The following LRP1B variants were observed in gnomAD, a reference collection of about 807,000 sequenced individuals.
LRP1B encodes LDL receptor related protein 1B.
A neutral mutation model predicts 556.6 loss-of-function variants in LRP1B; 217 were observed. The observed-to-expected ratio is 0.39, with a 90% CI of 0.35 to 0.44. The LOEUF (loss-of-function observed/expected upper bound fraction) is 0.44. Ranked by LOEUF, LRP1B falls within the 20% of genes least tolerant of loss-of-function variation. LRP1B has a pLI of 1.00. For synonymous variants in LRP1B, 2,047 were observed against 1,865.8 expected (o/e 1.10, Z -2.50); for missense variants, 5,053 against 5,620.8 (o/e 0.90, Z 3.23).
intron 2 of LRP1B, among the ~76,000 whole-genome samples, chr2:141,664,854 T>C (rs1690364323): frequency 1.3e-5 from 2 of 152,064 alleles, no homozygotes; most frequent in East Asian, 1.9e-4. Flanking sequence ...ACAAAAAAAG[T>C]ACTTTAAAAT....
At chr2:141,962,708 T>C (rs895056048) in intron 1 of LRP1B, among the ~76,000 whole-genome samples, 1 of 151,830 alleles carries the variant, frequency 6.6e-6, no homozygotes, top group East Asian at 1.9e-4. Flanking sequence ...AGATTAGCTG[T>C]AAAAGTATCT....
chr2:142,009,627 G>T (rs1559019393), intron 1 of LRP1B, among the ~76,000 whole-genome samples: 1 of 152,102 alleles, frequency 6.6e-6, no homozygotes, highest in Admixed American at 6.5e-5. Context: ...ATCTAATGTT[G>T]TCAAGGGCAT....
chr2:140,309,187 T>C (rs958752115), intron 83 of LRP1B, among the ~76,000 whole-genome samples: 1 of 151,832 alleles, frequency 6.6e-6, no homozygotes, highest in Admixed American at 6.6e-5. Context: ...CAGGTTTTCT[T>C]AAGCATAAAA....
At chr2:142,115,658 G>A (rs185892466) in intron 1 of LRP1B, among the ~76,000 whole-genome samples, 1 of 4,948 alleles carries the variant, frequency 2.0e-4, no homozygotes, top group African/African-American at 4.3e-4. Context: ...TATATTATAT[G>A]TAATATATAT....
chr2:141,193,482 A>G (rs1350534882), intron 6 of LRP1B, among the ~76,000 whole-genome samples: 2 of 151,864 alleles, frequency 1.3e-5, no homozygotes, highest in African/African-American at 4.8e-5. Context: ...AAACTAAGAC[A>G]GAAACAGAAA....
At chr2:141,389,202 C>T (rs1689956436) in intron 3 of LRP1B, among the ~76,000 whole-genome samples, 1 of 152,142 alleles carries the variant, frequency 6.6e-6, no homozygotes, top group African/African-American at 2.4e-5. Flanking sequence ...AATTGGAGGA[C>T]TCATGTCCTG....
intron 20 of LRP1B, among the ~76,000 whole-genome samples, chr2:140,925,610 G>A (rs1195702457): frequency 6.6e-6 from 1 of 152,090 alleles, no homozygotes; most frequent in Non-Finnish European, 1.5e-5. Flanking sequence ...AAGAATGGAA[G>A]GTGTAATCTA....
At chr2:140,596,622 C>T (rs1682452214) in intron 43 of LRP1B, among the ~76,000 whole-genome samples, 1 of 152,098 alleles carries the variant, frequency 6.6e-6, no homozygotes, top group African/African-American at 2.4e-5. Flanking sequence ...AAATGTATTG[C>T]TAATTGCAAG....
At chr2:141,075,916 A>G (rs1043463713) in intron 7 of LRP1B, among the ~76,000 whole-genome samples, 5 of 152,220 alleles carry the variant, frequency 3.3e-5, no homozygotes, top group African/African-American at 1.2e-4. Context: ...ATACTTGTGT[A>G]CACATCTCAT....
At chr2:140,528,605 T>C (rs1690543848) in intron 47 of LRP1B, among the ~76,000 whole-genome samples, 1 of 151,910 alleles carries the variant, frequency 6.6e-6, no homozygotes, top group African/African-American at 2.4e-5. Context: ...TGTCCCTTTG[T>C]ACCTGATCCT....
At chr2:141,135,937 CACAT>C (rs1411572564) in intron 7 of LRP1B, among the ~76,000 whole-genome samples, 1 of 151,062 alleles carries the variant, frequency 6.6e-6, no homozygotes. Context: ...TACTACTTCT[CACAT>C]ACAAATAGAA....
chr2:141,226,918 A>G (rs1195086198), intron 6 of LRP1B, among the ~76,000 whole-genome samples: 1 of 152,178 alleles, frequency 6.6e-6, no homozygotes, highest in Admixed American at 6.6e-5. Context: ...TGACTATGTA[A>G]TTGCATGCTT....
rs2105090360 is a variant in LRP1B, at chr2:141,480,517, T to A, written c.222A>T (p.Glu74Asp). Residue 74 changes from glutamate (E) to aspartate (D), a missense_variant, in exon 3 of 91, where the codon GAA (glutamate) becomes GAT (aspartate). Transcript: ENST00000389484. Reference protein sequence around the residue: ...ESLDTCPEEVEIKCPLNHIAC... With the variant: ...ESLDTCPEEVDIKCPLNHIAC... ...CAATGTGATTCAAGGGGCACTTGAT[T>A]TCTACCTCCTCGGGACCTGAAAAGA... 1 of 1,613,930 alleles carries A rather than the reference T, an allele frequency of 6.2e-7. No homozygotes were observed. The highest frequency in any genetic ancestry group is 8.5e-7 in the Non-Finnish European group (1 of 1,179,888).
rs577354454 is a variant in LRP1B, at chr2:141,036,523, G to A, written c.1789+12463C>T. On this transcript the variant is annotated intron_variant, in intron 11 of 90. Transcript: ENST00000389484. ...AGCAAGACAACGGTCCTGTGAAAGA[G>A]GTACAAACAAATAATCTGCCTCTAG... is the stretch of plus-strand genomic sequence containing the variant. 5.9e-5 allele frequency among the ~76,000 whole-genome samples: 9 copies of A among 152,190 alleles called. No homozygotes were observed. In the South Asian group the frequency reaches 1.9e-3, roughly 32 times the overall value.
In LRP1B at chr2:140,429,032, A is replaced by G. The variant is rs532859122; in HGVS notation, c.10414+13472T>C. On this transcript the variant is annotated intron_variant, in intron 66 of 90. Coordinates refer to ENST00000389484, the MANE Select transcript of LRP1B (RefSeq NM_018557.3). ...TTGTATCCCCCCACCTTAACCCACAAGTATAAGATACCTCTACTCCCTCCT... is the reference window on the plus strand; with the variant it reads ...TTGTATCCCCCCACCTTAACCCACAGGTATAAGATACCTCTACTCCCTCCT... Among the ~76,000 whole-genome samples, 7 of 152,156 alleles carry G rather than the reference A, an allele frequency of 4.6e-5. No individual in the cohort carries two copies. The East Asian group carries it at 1.4e-3, about 29-fold the overall frequency.
intron 59 of LRP1B, among the ~76,000 whole-genome samples, chr2:140,483,268 T>G (rs1368760477): frequency 6.6e-6 from 1 of 152,148 alleles, no homozygotes; most frequent in Admixed American, 6.6e-5. Flanking sequence ...TGTGCTATTT[T>G]AATTGACACT....
At chr2:140,500,809 A>G (rs915085320) in intron 55 of LRP1B, among the ~76,000 whole-genome samples, 1 of 151,928 alleles carries the variant, frequency 6.6e-6, no homozygotes, top group African/African-American at 2.4e-5. Context: ...GTGTCCATAC[A>G]TGTGCGCAGT....
intron 2 of LRP1B, among the ~76,000 whole-genome samples, chr2:141,486,876 C>G (rs4588128): frequency 0.074 from 11,245 of 152,206 alleles, 528 homozygotes; most frequent in South Asian, 0.12. Flanking sequence ...CCATGTCACG[C>G]TAGCCTCTGC....
chr2:141,636,891 A>T (rs562559984), intron 2 of LRP1B, among the ~76,000 whole-genome samples: 23 of 152,298 alleles, frequency 1.5e-4, no homozygotes, highest in African/African-American at 5.5e-4. Flanking sequence ...TCCATACTGC[A>T]TACATATGTA....
Sources: allele counts gnomAD v4.1 joint callset (sites outside exome capture counted in the v4.1 genomes callset), GRCh38; gene constraint gnomAD v4.1.1; transcripts MANE v1.5; gene names NCBI Gene and HGNC (gene_info 2026-07-23, HGNC 2026-07-21).